The following CNTNAP2 variants were observed in gnomAD, a reference collection of about 807,000 sequenced individuals.
CNTNAP2 encodes contactin-associated protein-like 2.
Under a neutral mutation model 155.2 loss-of-function variants are expected in CNTNAP2, and 98 were observed. That is an observed-to-expected ratio of 0.63 (90% CI 0.54 to 0.75). The LOEUF (loss-of-function observed/expected upper bound fraction) is 0.75, where lower values mean the gene tolerates loss of function less well. Ranked by LOEUF, CNTNAP2 falls within the 30% of genes least tolerant of loss-of-function variation. The pLI is 0.00. For synonymous variants in CNTNAP2, 651 were observed against 631.2 expected, an observed-to-expected ratio of 1.03 and a Z score of -0.47; for missense variants, 1,727 against 1,688.1, an observed-to-expected ratio of 1.02 and a Z score of -0.40.
intron 20 of CNTNAP2, among the ~76,000 whole-genome samples, chr7:148,252,540 C>T (rs574927663): frequency 9.9e-5 from 15 of 152,252 alleles, no homozygotes; most frequent in African/African-American, 3.6e-4. Context: ...AACACACAAC[C>T]GCCCAAAGCA....
At chr7:146,333,089 G>A (rs1011592371) in intron 1 of CNTNAP2, among the ~76,000 whole-genome samples, 2 of 151,710 alleles carry the variant, frequency 1.3e-5, no homozygotes, top group African/African-American at 2.4e-5. Context: ...GATTATAGGC[G>A]TGTGCCACTA....
Position 147,160,032 on chromosome 7 carries a change from A to G in CNTNAP2, c.1348+27523A>G, listed in dbSNP as rs528584463. 7.2e-5 allele frequency among the ~76,000 whole-genome samples: 11 copies of G among 152,228 alleles called. No individual in the cohort carries two copies. In the East Asian group the frequency reaches 2.1e-3, roughly 29 times the overall value. ...GAGAAAATATAATTGGTAAGAACCTAGAAACATAAAAGGTTTGCTTGGATA... is the reference window on the plus strand; with the variant it reads ...GAGAAAATATAATTGGTAAGAACCTGGAAACATAAAAGGTTTGCTTGGATA... On this transcript the variant is annotated intron_variant, in intron 8 of 23. Transcript: ENST00000361727.
chr7:146,122,352 A>T (rs972081765), intron 1 of CNTNAP2, among the ~76,000 whole-genome samples: 2 of 152,230 alleles, frequency 1.3e-5, no homozygotes, highest in African/African-American at 4.8e-5. Flanking sequence ...AGGTTAATGA[A>T]TCCCACTGTA....
At chr7:147,763,145 GC>G (rs944268927) in intron 13 of CNTNAP2, among the ~76,000 whole-genome samples, 29 of 151,894 alleles carry the variant, frequency 1.9e-4, no homozygotes, top group African/African-American at 6.3e-4. Flanking sequence ...TGTAATCCCA[GC>G]TACTCGGGAG....
intron 3 of CNTNAP2, among the ~76,000 whole-genome samples, chr7:146,843,226 A>T (rs1192102943): frequency 2.1e-5 from 3 of 140,314 alleles, no homozygotes; most frequent in Middle Eastern, 3.7e-3. Context: ...GTTAGCCAGG[A>T]TGGTCTCGAT....
At chr7:148,048,269 A>G (rs1335341348) in intron 15 of CNTNAP2, among the ~76,000 whole-genome samples, 1 of 152,140 alleles carries the variant, frequency 6.6e-6, no homozygotes, top group Non-Finnish European at 1.5e-5. Flanking sequence ...GGATGTGATC[A>G]ACTCGAGAAC....
At chr7:148,166,375 T>C (rs969886997) in intron 17 of CNTNAP2, among the ~76,000 whole-genome samples, 1 of 152,134 alleles carries the variant, frequency 6.6e-6, no homozygotes, top group African/African-American at 2.4e-5. Flanking sequence ...AGATTTTATG[T>C]GTGTGGGCTT....
At position 146,288,117 on chromosome 7, in the gene CNTNAP2, T is replaced by C. The variant is rs1584849930; in HGVS notation, c.97+171144T>C. Reference sequence around the variant, plus strand: ...TTGCTTAAGACCAGCCTGGGCAACATAGGGACCCCGTCTCTACTAAAAATT... The same window carrying C: ...TTGCTTAAGACCAGCCTGGGCAACACAGGGACCCCGTCTCTACTAAAAATT... On this transcript the variant is annotated intron_variant, in intron 1 of 23. Coordinates refer to ENST00000361727, the MANE Select transcript of CNTNAP2 (RefSeq NM_014141.6). 7.2e-5 allele frequency among the ~76,000 whole-genome samples: 11 copies of C among 151,758 alleles called. No homozygotes were observed. In the South Asian group the frequency reaches 2.3e-3, roughly 32 times the overall value.
chr7:147,381,224 A>G (rs549639167), intron 9 of CNTNAP2, among the ~76,000 whole-genome samples: 122 of 152,250 alleles, frequency 8.0e-4, no homozygotes, highest in Middle Eastern at 6.8e-3. Context: ...CCTGCCTTAC[A>G]AATGAAAACA....
chr7:147,060,862 T>TC (rs1312670872), intron 4 of CNTNAP2, among the ~76,000 whole-genome samples: 1 of 122,526 alleles, frequency 8.2e-6, no homozygotes, highest in African/African-American at 3.3e-5. Context: ...AGACTCTGTC[T>TC]CAAAAAAAAA....
intron 1 of CNTNAP2, among the ~76,000 whole-genome samples, chr7:146,698,058 C>T (rs1800811884): frequency 6.6e-6 from 1 of 152,162 alleles, no homozygotes. Context: ...CCTTACTTCA[C>T]AGGCGTCACA....
At chr7:146,953,350 C>A (rs1270880189) in intron 3 of CNTNAP2, among the ~76,000 whole-genome samples, 1 of 152,004 alleles carries the variant, frequency 6.6e-6, no homozygotes, top group African/African-American at 2.4e-5. Flanking sequence ...ACTAGTTCTG[C>A]AACTTGTAGT....
In CNTNAP2 at chr7:148,118,368, C is replaced by G. The variant is rs1023013079; in HGVS notation, c.2554+80C>G. 3 of 1,459,836 alleles carry G rather than the reference C, an allele frequency of 2.1e-6. No individual in the cohort carries two copies. In the Admixed American group the frequency reaches 5.2e-5, roughly 25 times the overall value. 90.4% of individuals were successfully genotyped at this position (1,459,836 alleles called of 1,614,324 possible). ...GGTCCGGGTCCTGATTGTGGAAGGC[C>G]TTTTGATTCAAACGTGGAAGGTTTC... On this transcript the variant is annotated intron_variant, in intron 16 of 23. Coordinates refer to ENST00000361727, the MANE Select transcript of CNTNAP2 (RefSeq NM_014141.6).
intron 3 of CNTNAP2, among the ~76,000 whole-genome samples, chr7:147,038,618 T>TC (rs1333187494): frequency 6.6e-6 from 1 of 152,178 alleles, no homozygotes; most frequent in Non-Finnish European, 1.5e-5. Context: ...TGTTTTCTTT[T>TC]CACTCAGCGT....
intron 13 of CNTNAP2, among the ~76,000 whole-genome samples, chr7:147,666,495 A>T (rs1449505687): frequency 6.6e-6 from 1 of 152,232 alleles, no homozygotes; most frequent in African/African-American, 2.4e-5. Context: ...TTGATAATGA[A>T]AATCAACTAT....
intron 18 of CNTNAP2, among the ~76,000 whole-genome samples, chr7:148,188,494 G>A (rs1028582197): frequency 2.0e-4 from 30 of 152,196 alleles, no homozygotes. Context: ...TAACAGACTG[G>A]AAGGAAGAAA....
intron 1 of CNTNAP2, among the ~76,000 whole-genome samples, chr7:146,480,734 G>T (rs1315504365): frequency 7.0e-6 from 1 of 143,866 alleles, no homozygotes; most frequent in Non-Finnish European, 1.5e-5. Flanking sequence ...TGTCACCCAG[G>T]CTGGAGTGCA....
At chr7:146,652,393 C>A (rs773730227) in intron 1 of CNTNAP2, among the ~76,000 whole-genome samples, 2 of 152,034 alleles carry the variant, frequency 1.3e-5, no homozygotes, top group African/African-American at 2.4e-5. Context: ...TATTTATTTG[C>A]GATGTGGGCA....
At chr7:147,867,252 T>C (rs1187578567) in intron 13 of CNTNAP2, among the ~76,000 whole-genome samples, 4 of 152,204 alleles carry the variant, frequency 2.6e-5, no homozygotes, top group African/African-American at 9.7e-5. Flanking sequence ...AAAATTCTTT[T>C]CTTTAAGAAC....
Sources: gnomAD v4.1 joint callset for allele counts (sites outside exome capture counted in the v4.1 genomes callset) on GRCh38, gnomAD v4.1.1 for gene constraint, MANE v1.5 for transcripts, NCBI Gene and HGNC (gene_info 2026-07-23, HGNC 2026-07-21) for gene names.